Variants in YAF2 observed in about 807,000 individuals in gnomAD.
YAF2 encodes the protein YY1 associated factor 2, also known as YY1-associated factor 2.
In YAF2, 7 loss-of-function variants were observed where a neutral mutation model predicts 20.1. That is an observed-to-expected ratio of 0.35 (90% CI 0.20 to 0.65). The LOEUF is 0.65. YAF2 is among the 30% of genes least tolerant of loss of function. The probability of loss-of-function intolerance (pLI) is 0.69; values close to 1 mark genes in which losing one functional copy is unlikely to be tolerated. For missense variants in YAF2, 151 were observed against 219.2 expected (o/e 0.69, Z 1.96); for synonymous variants, 74 against 76.0 (o/e 0.97, Z 0.14).
Position 42,160,416 on chromosome 12 carries a change from T to C in YAF2, c.*173A>G, listed in dbSNP as rs2136942700. ...AAATGTTAAGTCTGGAAATGTTTGG[T>C]AGGCATCATTGCAATAAAATCTAAC... On this transcript the variant is annotated 3_prime_UTR_variant, in exon 4 of 4. Coordinates refer to ENST00000534854, the MANE Select transcript of YAF2 (RefSeq NM_005748.6). 3.4e-6 allele frequency: 2 copies of C among 591,012 alleles called. No homozygotes were observed. The highest frequency in any genetic ancestry group is 5.7e-5 in the East Asian group (2 of 35,180). The allele number at this position is 591,012 out of a possible 1,614,324, so 36.6% of individuals were successfully genotyped here.
At chr12:42,174,206 A>T (rs1364050178) in intron 2 of YAF2, among the ~76,000 whole-genome samples, 1 of 151,634 alleles carries the variant, frequency 6.6e-6, no homozygotes, top group African/African-American at 2.4e-5. Context: ...TACTCACTCT[A>T]TACTTTTCCC....
At chr12:42,212,699 A>G (rs1204174424) in intron 2 of YAF2, among the ~76,000 whole-genome samples, 1 of 152,242 alleles carries the variant, frequency 6.6e-6, no homozygotes, top group Non-Finnish European at 1.5e-5. Context: ...TGTTAGGTTG[A>G]CAACACACCT....
intron 2 of YAF2, among the ~76,000 whole-genome samples, chr12:42,216,747 C>T (rs2067368974): frequency 6.6e-6 from 1 of 152,064 alleles, no homozygotes; most frequent in Admixed American, 6.6e-5. Flanking sequence ...AGAGATCTTC[C>T]CTCTCAAATT....
chr12:42,168,967 C>G (rs1000996609), intron 2 of YAF2, among the ~76,000 whole-genome samples: 1 of 152,090 alleles, frequency 6.6e-6, no homozygotes, highest in Non-Finnish European at 1.5e-5. Flanking sequence ...ACTCCTTTCA[C>G]AGACATAGAA....
At chr12:42,178,793 G>C (rs1165357281) in intron 2 of YAF2, among the ~76,000 whole-genome samples, 1 of 152,080 alleles carries the variant, frequency 6.6e-6, no homozygotes, top group Admixed American at 6.5e-5. Context: ...CTAAACCAGA[G>C]ACAGGGTGCA....
intron 2 of YAF2, chr12:42,232,754 C>T (rs916197802): frequency 2.0e-6 from 2 of 985,286 alleles, no homozygotes; most frequent in Non-Finnish European, 2.4e-6. Flanking sequence ...AAGATTTCTA[C>T]CAGATGATAG....
chr12:42,168,817 T>C (rs1438158138), intron 2 of YAF2, among the ~76,000 whole-genome samples: 1 of 152,074 alleles, frequency 6.6e-6, no homozygotes, highest in Non-Finnish European at 1.5e-5. Context: ...AAATATTTTT[T>C]AAAAACTTAA....
chr12:42,184,947 G>A (rs1213719488), intron 2 of YAF2, among the ~76,000 whole-genome samples: 1 of 152,224 alleles, frequency 6.6e-6, no homozygotes, highest in Non-Finnish European at 1.5e-5. Context: ...AGGCCGAGGA[G>A]GGCAGATCAC....
At chr12:42,199,390 T>C (rs2066840090) in intron 2 of YAF2, 1 of 277,192 alleles carries the variant, frequency 3.6e-6, no homozygotes, top group African/African-American at 2.3e-5. Context: ...ATAAACATTG[T>C]TCACTATGAT....
chr12:42,238,192 C>T lies in YAF2; in HGVS notation c.-12G>A. ...TTCTTGTCTCCCATGGCTTGGCTAT[C>T]ACCGCACGCCGAGAGTCGCCGCCGC... On this transcript the variant is annotated 5_prime_UTR_variant, in exon 1 of 4. Coordinates refer to ENST00000534854, the MANE Select transcript of YAF2 (RefSeq NM_005748.6). 2 of 1,532,018 alleles carry T rather than the reference C, an allele frequency of 1.3e-6. No homozygotes were observed. The highest frequency in any genetic ancestry group is 1.8e-6 in the Non-Finnish European group (2 of 1,138,790). The allele number at this position is 1,532,018 out of a possible 1,614,324, so 94.9% of individuals were successfully genotyped here. A position where few individuals can be genotyped will look rare whatever the true frequency, so the allele number is the denominator to read the frequency against.
At chr12:42,184,835 A>G (rs1316786986) in intron 2 of YAF2, among the ~76,000 whole-genome samples, 1 of 152,228 alleles carries the variant, frequency 6.6e-6, no homozygotes, top group Non-Finnish European at 1.5e-5. Context: ...TGAATGGTTC[A>G]AGATTTCAGT....
chr12:42,174,035 T>G (rs1343989632), intron 2 of YAF2, among the ~76,000 whole-genome samples: 2 of 152,104 alleles, frequency 1.3e-5, no homozygotes, highest in Admixed American at 6.6e-5. Flanking sequence ...TTAAACAATA[T>G]TTCCTTCTCT....
At chr12:42,174,344 C>T (rs1197406596) in intron 2 of YAF2, among the ~76,000 whole-genome samples, 2 of 152,182 alleles carry the variant, frequency 1.3e-5, no homozygotes, top group Non-Finnish European at 2.9e-5. Flanking sequence ...TCCAGCAACA[C>T]TTCACTGAGT....
At chr12:42,162,066 T>A (rs910866450) in intron 2 of YAF2, among the ~76,000 whole-genome samples, 6 of 152,176 alleles carry the variant, frequency 3.9e-5, no homozygotes, top group African/African-American at 1.4e-4. Context: ...TCAAAAAAAA[T>A]GGGATGTACC....
At chr12:42,163,271 T>G (rs1368442669) in intron 2 of YAF2, among the ~76,000 whole-genome samples, 2 of 152,110 alleles carry the variant, frequency 1.3e-5, no homozygotes, top group Admixed American at 6.6e-5. Flanking sequence ...AAAACCAAGC[T>G]GGACAGATAA....
chr12:42,175,829 A>C (rs1022830601), intron 2 of YAF2, among the ~76,000 whole-genome samples: 1 of 150,564 alleles, frequency 6.6e-6, no homozygotes, highest in Admixed American at 6.6e-5. Flanking sequence ...AAATTTTTTG[A>C]AAGTTCTCAA....
At chr12:42,161,510 C>A (rs930996842) in intron 3 of YAF2, 103 bp downstream of exon 3, 3 of 1,300,422 alleles carry the variant, frequency 2.3e-6, no homozygotes, top group Non-Finnish European at 3.0e-6. Context: ...ATAAAGGAGA[C>A]CAAATATTTT....
At chr12:42,204,776 G>A (rs551265383) in intron 2 of YAF2, among the ~76,000 whole-genome samples, 13 of 152,180 alleles carry the variant, frequency 8.5e-5, no homozygotes, top group South Asian at 4.2e-4. Flanking sequence ...GCTACAATGC[G>A]GATAAACCTT....
rs1290451657 is a variant in YAF2 at position 42,187,862 on chromosome 12, T to C, written c.153-26097A>G. On this transcript the variant is annotated intron_variant, in intron 2 of 3. Transcript: ENST00000534854. ...AAGTGGGATTTCTGGGGCTAAGTCA[T>C]AAAAGACATTGTGACTTTCATCCTG... is the stretch of plus-strand genomic sequence containing the variant. Among the ~76,000 whole-genome samples the C allele has an allele frequency of 2.0e-5, 3 of 152,286 alleles. No individual in the cohort carries two copies. The East Asian group carries it at 5.8e-4, about 29-fold the overall frequency.
Sources: allele counts gnomAD v4.1 joint callset (sites outside exome capture counted in the v4.1 genomes callset), GRCh38; gene constraint gnomAD v4.1.1; transcripts MANE v1.5; gene names NCBI Gene and HGNC (gene_info 2026-07-23, HGNC 2026-07-21).